The following RFX3 variants were observed in gnomAD, a reference collection of about 807,000 sequenced individuals.
RFX3 encodes the protein regulatory factor X3.
RFX3 carries 14 observed loss-of-function variants against 98.6 expected under a neutral mutation model. That is an observed-to-expected ratio of 0.14 (90% CI 0.09 to 0.22). RFX3 has a LOEUF of 0.22. Among genes scored for constraint, RFX3 ranks in the 10% least tolerant of loss-of-function variants. RFX3 has a pLI of 1.00. For missense variants in RFX3, 639 were observed against 926.9 expected (o/e 0.69, Z 4.03); for synonymous variants, 383 against 328.4 (o/e 1.17, Z -1.80).
intron 15 of RFX3, among the ~76,000 whole-genome samples, chr9:3,238,512 G>A (rs138896226): frequency 1.5e-3 from 236 of 152,298 alleles, no homozygotes; most frequent in African/African-American, 5.5e-3. Flanking sequence ...GGCCTAACCC[G>A]AGTGTTTCTC....
At position 3,504,887 on chromosome 9, in the gene RFX3, A is replaced by T. The variant is rs868112804; in HGVS notation, c.-9+20860T>A. Among the ~76,000 whole-genome samples the T allele has an allele frequency of 2.4e-4, 15 of 63,168 alleles. 1 individual carries two copies. The highest frequency in any genetic ancestry group is 1.5e-3 in the African/African-American group (15 of 10,092). The allele number at this position is 63,168 out of a possible 152,430, so 41.4% of individuals were successfully genotyped here. A position where few individuals can be genotyped will look rare whatever the true frequency, so the allele number is the denominator to read the frequency against. On this transcript the variant is annotated intron_variant, in intron 1 of 16. Transcript: ENST00000617270. ...AATATATATTATATATATTATATATAATATAACATATATTATATATATATA... is the reference window on the plus strand; with the variant it reads ...AATATATATTATATATATTATATATTATATAACATATATTATATATATATA...
At chr9:3,344,952 T>C (rs1834290022) in intron 3 of RFX3, 1 of 647,982 alleles carries the variant, frequency 1.5e-6, no homozygotes, top group South Asian at 1.8e-5. Flanking sequence ...ATAGATTTAA[T>C]ACGGTAACAG....
At chr9:3,297,187 C>G (rs577287758) in intron 5 of RFX3, among the ~76,000 whole-genome samples, 2 of 152,126 alleles carry the variant, frequency 1.3e-5, no homozygotes, top group South Asian at 4.1e-4. Context: ...ATTCCCCAAT[C>G]TTAACATTCA....
intron 1 of RFX3, among the ~76,000 whole-genome samples, chr9:3,472,047 A>C (rs1848825735): frequency 6.6e-6 from 1 of 152,134 alleles, no homozygotes; most frequent in South Asian, 2.1e-4. Context: ...TTTGGACTTT[A>C]TCAGTCTTAG....
intron 4 of RFX3, among the ~76,000 whole-genome samples, chr9:3,310,473 C>A (rs1422661667): frequency 6.6e-6 from 1 of 152,076 alleles, no homozygotes; most frequent in Non-Finnish European, 1.5e-5. Flanking sequence ...GAGTAAAGGT[C>A]AATATTGATA....
At chr9:3,348,726 C>A (rs376893827) in intron 2 of RFX3, among the ~76,000 whole-genome samples, 1 of 151,920 alleles carries the variant, frequency 6.6e-6, no homozygotes. Flanking sequence ...TGTATCCTTA[C>A]GATTCTCAGC....
chr9:3,405,414 G>A (rs1318065469), intron 1 of RFX3, among the ~76,000 whole-genome samples: 1 of 152,022 alleles, frequency 6.6e-6, no homozygotes, highest in Non-Finnish European at 1.5e-5. Flanking sequence ...ACTACCCATT[G>A]AATCTCTTTA....
At chr9:3,299,844 T>C (rs1018862774) in intron 5 of RFX3, among the ~76,000 whole-genome samples, 8 of 151,772 alleles carry the variant, frequency 5.3e-5, no homozygotes, top group Non-Finnish European at 7.4e-5. Flanking sequence ...ACTTCCATTA[T>C]TGTTCATAAA....
chr9:3,243,028 G>C (rs1820165352), intron 15 of RFX3, among the ~76,000 whole-genome samples: 3 of 151,802 alleles, frequency 2.0e-5, no homozygotes, highest in Admixed American at 2.0e-4. Context: ...ATATATTAAT[G>C]GACTATGTAT....
chr9:3,241,224 G>GT (rs34401123), intron 15 of RFX3, among the ~76,000 whole-genome samples: 1,746 of 132,618 alleles, frequency 0.013, 44 homozygotes, highest in African/African-American at 0.044. Flanking sequence ...GGAGTTTTTT[G>GT]TTTTTTTTTT....
At chr9:3,445,193 T>A (rs781094747) in intron 1 of RFX3, among the ~76,000 whole-genome samples, 7 of 152,072 alleles carry the variant, frequency 4.6e-5, no homozygotes, top group Non-Finnish European at 8.8e-5. Context: ...AAGATAAACA[T>A]AGTTTTCAAA....
chr9:3,422,487 G>C (rs1587616187), intron 1 of RFX3, among the ~76,000 whole-genome samples: 1 of 152,186 alleles, frequency 6.6e-6, no homozygotes, highest in East Asian at 1.9e-4. Flanking sequence ...TGAATTGTTA[G>C]ACAAAGCAAA....
chr9:3,406,721 T>C (rs1842008938), intron 1 of RFX3, among the ~76,000 whole-genome samples: 1 of 152,198 alleles, frequency 6.6e-6, no homozygotes, highest in African/African-American at 2.4e-5. Context: ...AAATTCTACA[T>C]AAATATAATT....
intron 9 of RFX3, among the ~76,000 whole-genome samples, chr9:3,271,413 T>G (rs1481413363): frequency 6.6e-6 from 1 of 152,098 alleles, no homozygotes; most frequent in East Asian, 1.9e-4. Context: ...TTTTCATTTT[T>G]GCTTTCATTC....
In RFX3 at chr9:3,222,275, C is replaced by T. The variant is rs1044286764; in HGVS notation, c.*2767G>A. Reference sequence around the variant, plus strand: ...CTTACACTAATCACAAAGAATATTCCTAATATTCATAAAGGAGATCAGAAT... The same window carrying T: ...CTTACACTAATCACAAAGAATATTCTTAATATTCATAAAGGAGATCAGAAT... On this transcript the variant is annotated 3_prime_UTR_variant, in exon 17 of 17. Transcript: ENST00000617270. The T allele has an allele frequency of 1.3e-5, 2 of 151,992 alleles. No individual in the cohort carries two copies. The highest frequency in any genetic ancestry group is 4.8e-5 in the African/African-American group (2 of 41,404). 9.4% of individuals were successfully genotyped at this position (151,992 alleles called of 1,614,324 possible).
intron 1 of RFX3, among the ~76,000 whole-genome samples, chr9:3,517,902 TCAA>T (rs1818332479): frequency 6.6e-6 from 1 of 152,186 alleles, no homozygotes; most frequent in Non-Finnish European, 1.5e-5. Context: ...AACATTTCTG[TCAA>T]CAACAAACCA....
intron 14 of RFX3, 82 bp from the exon 15 acceptor site, chr9:3,248,267 A>G: frequency 1.4e-6 from 2 of 1,459,774 alleles, no homozygotes; most frequent in South Asian, 2.9e-5. Flanking sequence ...CTTAAAAAAA[A>G]GTCAAGCTGG....
chr9:3,378,127 T>C lies in RFX3; in HGVS notation c.117+17345A>G, dbSNP rs147247730. On this transcript the variant is annotated intron_variant, in intron 2 of 16. Coordinates refer to ENST00000617270, the MANE Select transcript of RFX3 (RefSeq NM_001282116.2). ...AGAATTCATCACTGAAAATAATACATACAATAGACATAAATCCATGTGTCA... is the reference window on the plus strand; with the variant it reads ...AGAATTCATCACTGAAAATAATACACACAATAGACATAAATCCATGTGTCA... 4.1e-3 allele frequency among the ~76,000 whole-genome samples: 626 copies of C among 152,316 alleles called. 2 individuals are homozygous for C. Among genetic ancestry groups the C allele is most frequent in the Middle Eastern group, 0.014 (4 of 294 alleles).
intron 1 of RFX3, among the ~76,000 whole-genome samples, chr9:3,397,613 G>A (rs1282282771): frequency 6.6e-6 from 1 of 152,164 alleles, no homozygotes; most frequent in Non-Finnish European, 1.5e-5. Flanking sequence ...CAAGGTGACA[G>A]GAGTAGACTT....
Sources: gnomAD v4.1 joint callset for allele counts (sites outside exome capture counted in the v4.1 genomes callset) on GRCh38, gnomAD v4.1.1 for gene constraint, MANE v1.5 for transcripts, NCBI Gene and HGNC (gene_info 2026-07-23, HGNC 2026-07-21) for gene names.